The following JMJD1C variants were observed in gnomAD, a reference collection of about 807,000 sequenced individuals.
JMJD1C encodes jumonji domain containing 1C.
A neutral mutation model predicts 245.3 loss-of-function variants in JMJD1C; 31 were observed. The observed-to-expected ratio is 0.13, with a 90% CI of 0.09 to 0.17. JMJD1C has a LOEUF of 0.17. JMJD1C is among the 10% of genes least tolerant of loss of function. The pLI, the probability that JMJD1C is intolerant of heterozygous loss-of-function variation, is 1.00. For synonymous variants in JMJD1C, 1,057 were observed against 1,017.4 expected, an observed-to-expected ratio of 1.04 and a Z score of -0.74; for missense variants, 2,691 against 3,000.2, an observed-to-expected ratio of 0.90 and a Z score of 2.41.
Position 63,327,622 on chromosome 10 carries a change from T to G in JMJD1C, c.333+52696A>C, listed in dbSNP as rs536205113. Reference sequence around the variant, plus strand: ...ATTTTCATTCTGCTGTCAATGCACTTTCAACTAAATTGCTTTTTAAGGATA... The same window carrying G: ...ATTTTCATTCTGCTGTCAATGCACTGTCAACTAAATTGCTTTTTAAGGATA... On this transcript the variant is annotated intron_variant, in intron 2 of 25. Coordinates refer to ENST00000399262, the MANE Select transcript of JMJD1C (RefSeq NM_032776.3). Among the ~76,000 whole-genome samples, 286 of 152,306 alleles carry G rather than the reference T, an allele frequency of 1.9e-3. 1 individual carries two copies. Among genetic ancestry groups the G allele is most frequent in the African/African-American group, 6.7e-3 (277 of 41,578 alleles).
chr10:63,295,154 C>T (rs755238880), intron 2 of JMJD1C, among the ~76,000 whole-genome samples: 2 of 152,032 alleles, frequency 1.3e-5, no homozygotes, highest in Admixed American at 1.3e-4. Flanking sequence ...GTGGCTTGAT[C>T]ATGGCTCAGT....
At chr10:63,355,173 T>A (rs1443194283) in intron 2 of JMJD1C, among the ~76,000 whole-genome samples, 1 of 152,278 alleles carries the variant, frequency 6.6e-6, no homozygotes, top group African/African-American at 2.4e-5. Flanking sequence ...TTTTTAAACA[T>A]TTTGAAATAA....
In JMJD1C at chr10:63,484,228, GGATGGATGGATA is replaced by G. The variant is rs1192690332; in HGVS notation, n.113+37498_113+37509del. 4.4e-4 allele frequency among the ~76,000 whole-genome samples: 28 copies of G among 63,136 alleles called. 1 individual carries two copies. The highest frequency in any genetic ancestry group is 1.1e-3 in the African/African-American group (28 of 24,508). The allele number at this position is 63,136 out of a possible 152,430, so 41.4% of individuals were successfully genotyped here. A position where few individuals can be genotyped will look rare whatever the true frequency, so the allele number is the denominator to read the frequency against. On this transcript the variant is annotated intron_variant and non_coding_transcript_variant, in intron 1 of 3. Transcript: ENST00000633035. Reference sequence around the variant, plus strand: ...TGGATGGATGGATGGATGGATGGATGGATGGATGGATAGATAGATAGATAGATAGATAGATAG... The same window carrying G: ...TGGATGGATGGATGGATGGATGGATGGATAGATAGATAGATAGATAGATAG...
At chr10:63,383,979 C>T (rs1365886783) in intron 1 of JMJD1C, among the ~76,000 whole-genome samples, 5 of 152,148 alleles carry the variant, frequency 3.3e-5, no homozygotes, top group Non-Finnish European at 5.9e-5. Context: ...TTGTTGGCCA[C>T]TTTACCCACA....
chr10:63,438,091 A>C (rs1951159704), intron 1 of JMJD1C, among the ~76,000 whole-genome samples: 1 of 152,132 alleles, frequency 6.6e-6, no homozygotes, highest in African/African-American at 2.4e-5. Flanking sequence ...AACAAACATG[A>C]TACTTTAAGT....
intron 1 of JMJD1C, among the ~76,000 whole-genome samples, chr10:63,438,245 T>C (rs1037134099): frequency 2.0e-5 from 3 of 152,210 alleles, no homozygotes; most frequent in African/African-American, 7.2e-5. Context: ...ATGGTAACTC[T>C]ATGTTTTGCA....
At chr10:63,372,562 T>G (rs1946396644) in intron 2 of JMJD1C, among the ~76,000 whole-genome samples, 1 of 152,210 alleles carries the variant, frequency 6.6e-6, no homozygotes, top group Non-Finnish European at 1.5e-5. Context: ...TCCTGTCCTT[T>G]GATATTATCA....
At chr10:63,369,920 T>A (rs1263403384) in intron 2 of JMJD1C, among the ~76,000 whole-genome samples, 1 of 152,180 alleles carries the variant, frequency 6.6e-6, no homozygotes, top group Non-Finnish European at 1.5e-5. Context: ...GCTTTCGACA[T>A]TCCAGTATCA....
intron 24 of JMJD1C, among the ~76,000 whole-genome samples, chr10:63,175,469 A>G (rs1412332051): frequency 6.6e-6 from 1 of 152,240 alleles, no homozygotes; most frequent in Non-Finnish European, 1.5e-5. Flanking sequence ...ACACATCCTA[A>G]AAGCTAAGCA....
At chr10:63,278,653 A>G (rs1323398116) in intron 2 of JMJD1C, among the ~76,000 whole-genome samples, 3 of 151,990 alleles carry the variant, frequency 2.0e-5, no homozygotes, top group Non-Finnish European at 2.9e-5. Context: ...CAGCCTGACC[A>G]ACATGGAGAA....
chr10:63,396,930 T>G (rs1334666820), intron 1 of JMJD1C, among the ~76,000 whole-genome samples: 3 of 117,956 alleles, frequency 2.5e-5, no homozygotes, highest in Admixed American at 8.5e-5. Context: ...TGGTTTTTGG[T>G]TTTTTTTTTT....
rs539492971 is a variant in JMJD1C at position 63,389,800 on chromosome 10, T to A, written c.169-9318A>T. ...AACATGCTCCTAAATGACCACTAGG[T>A]CAAGAAAGAAACTAAGGATGAAATC... On this transcript the variant is annotated intron_variant, in intron 1 of 25. Transcript: ENST00000399262. Among the ~76,000 whole-genome samples, 3 of 152,128 alleles carry A rather than the reference T, an allele frequency of 2.0e-5. No individual in the cohort carries two copies. The South Asian group carries it at 6.2e-4, about 32-fold the overall frequency.
intron 3 of JMJD1C, among the ~76,000 whole-genome samples, chr10:63,251,741 C>G (rs978821381): frequency 6.6e-6 from 1 of 152,180 alleles, no homozygotes; most frequent in African/African-American, 2.4e-5. Flanking sequence ...TCTTCGTCAA[C>G]TTGGCAAGAT....
chr10:63,236,005 T>A (rs1408252503), intron 3 of JMJD1C, among the ~76,000 whole-genome samples: 1 of 152,218 alleles, frequency 6.6e-6, no homozygotes, highest in African/African-American at 2.4e-5. Flanking sequence ...TAGAAATGGA[T>A]ATCATAAATA....
intron 2 of JMJD1C, among the ~76,000 whole-genome samples, chr10:63,270,555 C>A (rs563380727): frequency 6.6e-6 from 1 of 152,026 alleles, no homozygotes; most frequent in Non-Finnish European, 1.5e-5. Flanking sequence ...CAATCTCTGG[C>A]TCCTGGGCTC....
chr10:63,477,921 T>C (rs928399209), intron 1 of JMJD1C, among the ~76,000 whole-genome samples: 2 of 152,016 alleles, frequency 1.3e-5, no homozygotes, highest in African/African-American at 2.4e-5. Context: ...GCAAAATATT[T>C]CAACAAATAC....
chr10:63,341,967 T>G (rs1943424195), intron 2 of JMJD1C, among the ~76,000 whole-genome samples: 1 of 152,214 alleles, frequency 6.6e-6, no homozygotes, highest in Admixed American at 6.6e-5. Flanking sequence ...TCAGTGATGA[T>G]GGTGAACAAA....
intron 2 of JMJD1C, among the ~76,000 whole-genome samples, chr10:63,335,768 C>A (rs1942658635): frequency 6.6e-6 from 1 of 152,106 alleles, no homozygotes; most frequent in South Asian, 2.1e-4. Flanking sequence ...GCCTCGGCCT[C>A]CCGAAGTGTT....
intron 1 of JMJD1C, among the ~76,000 whole-genome samples, chr10:63,397,613 A>G (rs1185191834): frequency 6.6e-6 from 1 of 152,114 alleles, no homozygotes; most frequent in Non-Finnish European, 1.5e-5. Flanking sequence ...GGTTCATTGC[A>G]GCCTCAAATT....
Sources: allele counts gnomAD v4.1 joint callset (sites outside exome capture counted in the v4.1 genomes callset), GRCh38; gene constraint gnomAD v4.1.1; transcripts MANE v1.5; gene names NCBI Gene and HGNC (gene_info 2026-07-23, HGNC 2026-07-21).